LIN54: variants seen among roughly 807,000 people sequenced by gnomAD.
The protein encoded by LIN54 is lin-54 DREAM MuvB core complex component, also known as protein lin-54 homolog.
A neutral mutation model predicts 78.7 loss-of-function variants in LIN54; 9 were observed. The observed-to-expected ratio is 0.11, with a 90% CI of 0.07 to 0.20. The LOEUF is 0.20. LIN54 is among the 10% of genes least tolerant of loss of function. LIN54 has a pLI of 1.00. For synonymous variants in LIN54, 269 were observed against 318.4 expected, an observed-to-expected ratio of 0.84 and a Z score of 1.65; for missense variants, 573 against 889.9, an observed-to-expected ratio of 0.64 and a Z score of 4.53.
chr4:82,952,237 T>A (rs946545039), intron 4 of LIN54, among the ~76,000 whole-genome samples: 4 of 152,258 alleles, frequency 2.6e-5, no homozygotes, highest in Non-Finnish European at 4.4e-5. Flanking sequence ...GATAAGTGAT[T>A]AACATTTAGA....
intron 5 of LIN54, among the ~76,000 whole-genome samples, chr4:82,942,651 C>T: frequency 6.6e-6 from 1 of 152,102 alleles, no homozygotes; most frequent in East Asian, 1.9e-4. Context: ...ACTCCCTCCA[C>T]CACCTGCTCC....
At position 82,938,511 on chromosome 4, in the gene LIN54, G is replaced by A. The variant is rs1202038589; in HGVS notation, c.1441-7C>T. 1 of 1,531,488 alleles carries A rather than the reference G, an allele frequency of 6.5e-7. No individual in the cohort carries two copies. The highest frequency in any genetic ancestry group is 9.0e-7 in the Non-Finnish European group (1 of 1,109,412). 94.9% of individuals were successfully genotyped at this position (1,531,488 alleles called of 1,614,324 possible). A position where few individuals can be genotyped will look rare whatever the true frequency, so the allele number is the denominator to read the frequency against. ...CATATGAAGACTGCTGTAGCTACAT[G>A]TAAAGAAAATTAATTTTAGATCATA... On this transcript the variant is annotated splice_polypyrimidine_tract_variant and splice_region_variant and intron_variant, in intron 7 of 12. Transcript: ENST00000340417.
At chr4:83,012,637 C>G (rs1729924621), upstream of LIN54, among the ~76,000 whole-genome samples, 1 of 152,040 alleles carries the variant, frequency 6.6e-6, no homozygotes. Context: ...GCGGACCCCG[C>G]TGGCGGGTTC....
At chr4:82,968,770 T>G (rs1167091839) in intron 4 of LIN54, among the ~76,000 whole-genome samples, 1 of 152,172 alleles carries the variant, frequency 6.6e-6, no homozygotes, top group African/African-American at 2.4e-5. Flanking sequence ...CAATACAGGC[T>G]CACCTTCCCC....
At position 82,958,302 on chromosome 4, in the gene LIN54, G is replaced by T. The variant is rs529371365; in HGVS notation, c.952-11828C>A. Among the ~76,000 whole-genome samples, 3 of 152,210 alleles carry T rather than the reference G, an allele frequency of 2.0e-5. No homozygotes were observed. The South Asian group carries it at 6.2e-4, about 32-fold the overall frequency. On this transcript the variant is annotated intron_variant, in intron 4 of 12. Coordinates refer to ENST00000340417, the MANE Select transcript of LIN54 (RefSeq NM_194282.4). ...CTAACCAAAATCCATATTCTCTTCT[G>T]CTTCCTAGGGTTACAGCCAGATTAT...
intron 1 of LIN54, among the ~76,000 whole-genome samples, chr4:82,998,046 G>A (rs200231667): frequency 2.2e-5 from 3 of 136,352 alleles, no homozygotes; most frequent in South Asian, 2.4e-4. Flanking sequence ...ATACACACAC[G>A]TATATATATA....
Position 82,939,743 on chromosome 4 carries a change from A to C in LIN54, c.1243-7T>G. The C allele has an allele frequency of 6.2e-7, 1 of 1,614,070 alleles. No individual in the cohort carries two copies. Among genetic ancestry groups the C allele is most frequent in the Non-Finnish European group, 8.5e-7 (1 of 1,179,884 alleles). ...TGATTGGTTTTGGAACAACCTAAAA[A>C]GAAGGGACATATATCAATGACCACA... On this transcript the variant is annotated splice_region_variant and splice_polypyrimidine_tract_variant and intron_variant, in intron 6 of 12. Transcript: ENST00000340417.
intron 1 of LIN54, among the ~76,000 whole-genome samples, chr4:83,008,621 T>C (rs557701748): frequency 2.6e-5 from 4 of 151,974 alleles, no homozygotes; most frequent in African/African-American, 9.6e-5. Flanking sequence ...CACTGCACTC[T>C]AGCCTGCGCC....
chr4:82,996,627 A>C (rs750775898), intron 1 of LIN54, among the ~76,000 whole-genome samples: 1 of 151,894 alleles, frequency 6.6e-6, no homozygotes, highest in African/African-American at 2.4e-5. Flanking sequence ...GCTGGTCTCG[A>C]ACTCTTGACC....
chr4:82,945,767 T>A (rs1442034673), intron 5 of LIN54, among the ~76,000 whole-genome samples: 1 of 152,242 alleles, frequency 6.6e-6, no homozygotes, highest in African/African-American at 2.4e-5. Context: ...GTGCTGGGAT[T>A]ACAGGTGTGA....
chr4:82,939,845 C>A (rs761437076), intron 6 of LIN54, 44 bp downstream of exon 6: 2 of 1,586,928 alleles, frequency 1.3e-6, no homozygotes, highest in Non-Finnish European at 1.7e-6. Flanking sequence ...AAAAGTAAAT[C>A]GTCTATTTGG....
chr4:82,970,151 T>C (rs1725523834), intron 4 of LIN54, among the ~76,000 whole-genome samples, 176 bp downstream of exon 4: 1 of 152,218 alleles, frequency 6.6e-6, no homozygotes, highest in Non-Finnish European at 1.5e-5. Context: ...TACTATGTGT[T>C]TAAAGTAAGC....
At position 82,935,972 on chromosome 4, in the gene LIN54, G is replaced by C. The variant is rs766852662; in HGVS notation, c.1845+9C>G. 7 of 1,613,102 alleles carry C rather than the reference G, an allele frequency of 4.3e-6. No individual in the cohort carries two copies. The highest frequency in any genetic ancestry group is 5.9e-6 in the Non-Finnish European group (7 of 1,179,192). On this transcript the variant is annotated intron_variant, in intron 11 of 12. Coordinates refer to ENST00000340417, the MANE Select transcript of LIN54 (RefSeq NM_194282.4). Reference sequence around the variant, plus strand: ...TAAAAGATATTATTTTCCGCACCCAGCATCTCACCTCATAGCATTCACAGT... The same window carrying C: ...TAAAAGATATTATTTTCCGCACCCACCATCTCACCTCATAGCATTCACAGT...
At chr4:82,996,761 A>G (rs188499793) in intron 1 of LIN54, among the ~76,000 whole-genome samples, 66 of 152,206 alleles carry the variant, frequency 4.3e-4, no homozygotes, top group African/African-American at 1.1e-3. Context: ...ATGTTCTAGA[A>G]GCCAATAAAA....
intron 1 of LIN54, among the ~76,000 whole-genome samples, chr4:82,993,804 T>C (rs1184122226): frequency 6.6e-6 from 1 of 151,790 alleles, no homozygotes. Flanking sequence ...TTAGCAGAGA[T>C]GGGGTTGCAC....
chr4:82,939,771 A>G, intron 6 of LIN54, 35 bp from the exon 7 acceptor site: 1 of 1,611,900 alleles, frequency 6.2e-7, no homozygotes, highest in Non-Finnish European at 8.5e-7. Flanking sequence ...TGACCACAAA[A>G]TAAATTTTAC....
At position 82,933,812 on chromosome 4, in the gene LIN54, T is replaced by A. The variant is rs1722165384; in HGVS notation, c.1845+2169A>T. Reference sequence around the variant, plus strand: ...TTTCTACTTCTATTAATTCACAGGTTGTTAACCAGTTCAATTAAATGGTTA... The same window carrying A: ...TTTCTACTTCTATTAATTCACAGGTAGTTAACCAGTTCAATTAAATGGTTA... On this transcript the variant is annotated intron_variant, in intron 11 of 12. Transcript: ENST00000340417. 1.3e-5 allele frequency among the ~76,000 whole-genome samples: 2 copies of A among 152,238 alleles called. 1 individual carries two copies. The highest frequency in any genetic ancestry group is 1.3e-4 in the Admixed American group (2 of 15,284).
chr4:82,924,644 T>C lies in LIN54; in HGVS notation c.*3458A>G, dbSNP rs535189194. ...AAATTTTTAATTAAAAAAAACCTTA[T>C]AGCTTTCAACTCATAAAATCACATG... On this transcript the variant is annotated 3_prime_UTR_variant, in exon 13 of 13. Transcript: ENST00000340417. 5.9e-5 allele frequency: 9 copies of C among 152,174 alleles called. No individual in the cohort carries two copies. The highest frequency in any genetic ancestry group is 2.1e-4 in the South Asian group (1 of 4,822). 9.4% of individuals were successfully genotyped at this position (152,174 alleles called of 1,614,324 possible).
At chr4:82,996,371 C>T (rs1728219498) in intron 1 of LIN54, among the ~76,000 whole-genome samples, 1 of 151,940 alleles carries the variant, frequency 6.6e-6, no homozygotes, top group African/African-American at 2.4e-5. Flanking sequence ...AGAAAGAATC[C>T]AGAACATACA....
Sources: allele counts gnomAD v4.1 joint callset (sites outside exome capture counted in the v4.1 genomes callset), GRCh38; gene constraint gnomAD v4.1.1; transcripts MANE v1.5; gene names NCBI Gene and HGNC (gene_info 2026-07-23, HGNC 2026-07-21).